The following ATP2B1 variants were observed in gnomAD, a reference collection of about 807,000 sequenced individuals.
The protein encoded by ATP2B1 is ATPase plasma membrane Ca2+ transporting 1, also known as plasma membrane calcium-transporting ATPase 1.
In ATP2B1, 14 loss-of-function variants were observed where a neutral mutation model predicts 124.2. That is an observed-to-expected ratio of 0.11 (90% CI 0.07 to 0.18). The LOEUF (loss-of-function observed/expected upper bound fraction) is 0.18. Among genes scored for constraint, ATP2B1 ranks in the 10% least tolerant of loss-of-function variants. The pLI is 1.00. For synonymous variants in ATP2B1, 449 were observed against 492.4 expected (o/e 0.91, Z 1.17); for missense variants, 763 against 1,466.1 (o/e 0.52, Z 7.83).
At position 89,591,202 on chromosome 12, in the gene ATP2B1, C is replaced by G; in HGVS notation, c.3445G>C (p.Glu1149Gln). 6.2e-7 allele frequency: 1 copy of G among 1,613,214 alleles called. No individual in the cohort carries two copies. The highest frequency in any genetic ancestry group is 8.5e-7 in the Non-Finnish European group (1 of 1,179,360). The change falls in exon 21 of 21, where the codon GAG becomes CAG. Residue 1149 changes from glutamate to glutamine, a missense_variant. Around this residue, in one of 7 missense-constraint regions of ATP2B1, gnomAD observed 97 missense variants for 94.7 expected, o/e 1.02. Coordinates refer to ENST00000428670, the MANE Select transcript of ATP2B1 (RefSeq NM_001366521.1). ...GGCTCTGAATCTTCTATCCTAAACT[C>G]AGGATGTGTCATAAAGTTGTGAATC... ...SSIHNFMTHP[E>Q]FRIEDSEPHI...
At chr12:89,627,783 G>A in intron 6 of ATP2B1, 67 bp from the exon 7 acceptor site, 1 of 1,497,676 alleles carries the variant, frequency 6.7e-7, no homozygotes. Flanking sequence ...AAATTATGCA[G>A]AAGTAGTTCA....
upstream of ATP2B1, chr12:89,708,968 CAG>C (rs1309044324): frequency 2.0e-5 from 3 of 151,434 alleles, no homozygotes; most frequent in Non-Finnish European, 4.4e-5. Context: ...GAGCGGCACA[CAG>C]GGCGCGCCGC....
At chr12:89,630,688 T>G (rs908828450) in intron 5 of ATP2B1, 43 bp from the exon 6 acceptor site, 6 of 1,380,206 alleles carry the variant, frequency 4.3e-6, no homozygotes, top group Non-Finnish European at 4.7e-6. Context: ...TACTGATAGA[T>G]CTCCTTGCTA....
intron 3 of ATP2B1, among the ~76,000 whole-genome samples, chr12:89,639,569 T>A (rs1883205792): frequency 6.7e-6 from 1 of 149,210 alleles, no homozygotes; most frequent in African/African-American, 2.4e-5. Flanking sequence ...ATATTTTATT[T>A]TATATATATA....
Position 89,655,897 on chromosome 12 carries a change from A to G in ATP2B1, c.-11T>C. On this transcript the variant is annotated 5_prime_UTR_variant, in exon 2 of 21. Coordinates refer to ENST00000428670, the MANE Select transcript of ATP2B1 (RefSeq NM_001366521.1). ...TGCCATGTCGCCCATTACAAGTATA[A>G]TATATCAGAAGGAAAATGTTTCCCA... 1 of 1,547,300 alleles carries G rather than the reference A, an allele frequency of 6.5e-7. No homozygotes were observed. Among genetic ancestry groups the G allele is most frequent in the Non-Finnish European group, 8.7e-7 (1 of 1,146,090 alleles).
chr12:89,653,210 C>A (rs1277606458), intron 2 of ATP2B1, among the ~76,000 whole-genome samples: 1 of 150,356 alleles, frequency 6.7e-6, no homozygotes, highest in Non-Finnish European at 1.5e-5. Context: ...AAACTGTCTA[C>A]GAATTAGAGA....
chr12:89,702,343 A>G lies in ATP2B1; in HGVS notation c.-222+6253T>C, dbSNP rs547065852. The stretch of plus-strand genomic sequence containing the variant: ...ATTTTGATAAAGAGAAAAATAAAAA[A>G]AAGATGAAAGTTTTAGTGAAGAAAC... On this transcript the variant is annotated intron_variant, in intron 1 of 20. Transcript: ENST00000428670. Among the ~76,000 whole-genome samples, 313 of 152,346 alleles carry G rather than the reference A, an allele frequency of 2.1e-3. 2 individuals are homozygous for G. The highest frequency in any genetic ancestry group is 7.2e-3 in the African/African-American group (301 of 41,580).
chr12:89,633,035 T>C (rs1882120729), intron 5 of ATP2B1, among the ~76,000 whole-genome samples: 1 of 152,180 alleles, frequency 6.6e-6, no homozygotes, highest in African/African-American at 2.4e-5. Flanking sequence ...CTTAGTTTGT[T>C]ACACATTGTG....
chr12:89,673,595 G>A (rs1031953185), intron 1 of ATP2B1, among the ~76,000 whole-genome samples: 1 of 152,096 alleles, frequency 6.6e-6, no homozygotes, highest in Non-Finnish European at 1.5e-5. Context: ...GGTGCCATGA[G>A]GACTAAAAGA....
Position 89,686,513 on chromosome 12 carries a change from G to A in ATP2B1, c.-222+22083C>T, listed in dbSNP as rs199948672. The stretch of plus-strand genomic sequence containing the variant: ...TATTTTGCCTTTTATCCAATGTTAC[G>A]CAACATTATCATTAAACCTTCCAAA... On this transcript the variant is annotated intron_variant, in intron 1 of 20. Coordinates refer to ENST00000428670, the MANE Select transcript of ATP2B1 (RefSeq NM_001366521.1). Among the ~76,000 whole-genome samples the A allele has an allele frequency of 1.1e-4, 17 of 151,918 alleles. No homozygotes were observed. The East Asian group carries it at 1.7e-3, about 16-fold the overall frequency.
At chr12:89,608,088 C>A (rs1026152702) in intron 15 of ATP2B1, among the ~76,000 whole-genome samples, 2 of 152,036 alleles carry the variant, frequency 1.3e-5, no homozygotes, top group Non-Finnish European at 2.9e-5. Flanking sequence ...AAATGCAAAA[C>A]CAAAGTAAAT....
At chr12:89,636,170 T>A (rs1882669017) in intron 3 of ATP2B1, among the ~76,000 whole-genome samples, 1 of 151,254 alleles carries the variant, frequency 6.6e-6, no homozygotes, top group Non-Finnish European at 1.5e-5. Flanking sequence ...CAGGGAGAGA[T>A]TAAAATCAGT....
intron 12 of ATP2B1, among the ~76,000 whole-genome samples, chr12:89,615,042 A>G (rs1878721819): frequency 6.6e-6 from 1 of 152,186 alleles, no homozygotes; most frequent in East Asian, 1.9e-4. Flanking sequence ...CTCACAGCCC[A>G]GTAAGGCCAG....
intron 1 of ATP2B1, among the ~76,000 whole-genome samples, chr12:89,658,367 G>C (rs958853984): frequency 6.6e-6 from 1 of 152,058 alleles, no homozygotes; most frequent in Non-Finnish European, 1.5e-5. Context: ...CAGATAACTG[G>C]AGGACTCATG....
chr12:89,672,562 C>T (rs561317965), intron 1 of ATP2B1, among the ~76,000 whole-genome samples: 105 of 152,268 alleles, frequency 6.9e-4, no homozygotes, highest in African/African-American at 1.4e-3. Context: ...GCCTATCGCG[C>T]GAAATCCTCT....
intron 1 of ATP2B1, among the ~76,000 whole-genome samples, chr12:89,701,975 C>T (rs1891909930): frequency 6.6e-6 from 1 of 152,210 alleles, no homozygotes; most frequent in South Asian, 2.1e-4. Context: ...ACACAGCTCT[C>T]AACTCCAGGA....
At chr12:89,606,483 C>A (rs1280466948) in intron 15 of ATP2B1, among the ~76,000 whole-genome samples, 1 of 151,824 alleles carries the variant, frequency 6.6e-6, no homozygotes, top group African/African-American at 2.4e-5. Flanking sequence ...CAGATGAAAC[C>A]TTTCTCAAAA....
chr12:89,693,444 G>C (rs543186646), intron 1 of ATP2B1, among the ~76,000 whole-genome samples: 2 of 152,184 alleles, frequency 1.3e-5, no homozygotes, highest in Admixed American at 1.3e-4. Flanking sequence ...TAACTTTCTG[G>C]ACAGGACAGA....
Position 89,603,061 on chromosome 12 carries a change from T to G in ATP2B1, c.3042A>C (p.Leu1014Phe). 1 of 1,613,726 alleles carries G rather than the reference T, an allele frequency of 6.2e-7. No homozygotes were observed. Among genetic ancestry groups the G allele is most frequent in the Non-Finnish European group, 8.5e-7 (1 of 1,179,796 alleles). Residue 1014 changes from leucine to phenylalanine, a missense_variant, in exon 18 of 21, where the codon TTA becomes TTC. By Grantham distance (22) the Leu-to-Phe change is conservative (BLOSUM62 0). This residue lies in a region of ATP2B1 where 118 missense variants were observed against 240.3 expected (regional missense o/e 0.49). Coordinates refer to ENST00000428670, the MANE Select transcript of ATP2B1 (RefSeq NM_001366521.1). The surrounding 1 kb of genome is among the most constrained non-coding windows in gnomAD (Gnocchi z 4.3). Reference sequence around the variant, plus strand: ...TACCCACCTGTACCACAAAAGTGCCTAAAACAATTGTGCAGAAGATGGCAT... The same window carrying G: ...TACCCACCTGTACCACAAAAGTGCCGAAAACAATTGTGCAGAAGATGGCAT... The part of the protein sequence containing the change: ...FNNAIFCTIV[L>F]GTFVVQIIIV...
Sources: allele counts gnomAD v4.1 joint callset (sites outside exome capture counted in the v4.1 genomes callset), GRCh38; gene constraint gnomAD v4.1.1; regional missense constraint gnomAD v4.1.1; non-coding constraint Gnocchi (gnomAD v3.1); transcripts MANE v1.5; gene names NCBI Gene and HGNC (gene_info 2026-07-23, HGNC 2026-07-21).